The following HMGCLL1 variants were observed in gnomAD, a reference collection of about 807,000 sequenced individuals.
The protein encoded by HMGCLL1 is 3-hydroxymethyl-3-methylglutaryl-CoA lyase, cytoplasmic.
In HMGCLL1, 36 loss-of-function variants were observed where a neutral mutation model predicts 39.1. The observed-to-expected ratio is 0.92, with a 90% CI of 0.71 to 1.22. HMGCLL1 has a LOEUF of 1.22. Ranked by LOEUF, HMGCLL1 falls within the 50% of genes most tolerant of loss-of-function variation. HMGCLL1 has a pLI of 0.00. For synonymous variants in HMGCLL1, 149 were observed against 144.0 expected (o/e 1.03, Z -0.25); for missense variants, 451 against 416.5 (o/e 1.08, Z -0.72).
intron 7 of HMGCLL1, among the ~76,000 whole-genome samples, chr6:55,480,903 T>A (rs1765709639): frequency 6.6e-6 from 1 of 152,172 alleles, no homozygotes; most frequent in South Asian, 2.1e-4. Context: ...CTTCACTTAG[T>A]CTCACTTACT....
the HMGCLL1 span, among the ~76,000 whole-genome samples, chr6:55,638,986 A>G: frequency 1.3e-5 from 2 of 152,148 alleles, no homozygotes; most frequent in African/African-American, 4.8e-5. Context: ...GAAAATGACA[A>G]TATTTACACA....
the HMGCLL1 span, among the ~76,000 whole-genome samples, chr6:55,601,420 G>A: frequency 1.3e-5 from 2 of 152,078 alleles, no homozygotes; most frequent in South Asian, 2.1e-4. Flanking sequence ...TAGCAGCTAG[G>A]AAGTTTTCAA....
chr6:55,593,212 T>C, the HMGCLL1 span, among the ~76,000 whole-genome samples: 1 of 152,152 alleles, frequency 6.6e-6, no homozygotes, highest in Non-Finnish European at 1.5e-5. Context: ...GACAGAACCA[T>C]ATTCATGAGT....
chr6:55,504,174 C>G (rs1027521777), intron 5 of HMGCLL1, among the ~76,000 whole-genome samples: 1 of 151,688 alleles, frequency 6.6e-6, no homozygotes, highest in African/African-American at 2.4e-5. Flanking sequence ...AAGCTTCTTT[C>G]TATTACCCAA....
intron 7 of HMGCLL1, among the ~76,000 whole-genome samples, chr6:55,453,370 G>A (rs1401764510): frequency 6.6e-6 from 1 of 152,070 alleles, no homozygotes; most frequent in African/African-American, 2.4e-5. Context: ...TAGTAGAGAC[G>A]GGGTTTCACC....
intron 1 of HMGCLL1, 74 bp downstream of exon 1, chr6:55,578,874 A>C: frequency 2.8e-6 from 3 of 1,076,196 alleles, no homozygotes; most frequent in Non-Finnish European, 2.8e-6. Flanking sequence ...GAGGGCACCA[A>C]GAGGTTGCAG....
chr6:55,582,666 CA>C (rs1772004803), upstream of HMGCLL1, among the ~76,000 whole-genome samples: 1 of 152,006 alleles, frequency 6.6e-6, no homozygotes, highest in South Asian at 2.1e-4. Flanking sequence ...TTTCTTATTA[CA>C]GCAATTTTGA....
At chr6:55,537,723 A>G (rs1015577281) in intron 3 of HMGCLL1, among the ~76,000 whole-genome samples, 3 of 152,156 alleles carry the variant, frequency 2.0e-5, no homozygotes. Context: ...AGGTTAAGTC[A>G]CTTACTCAAG....
intron 5 of HMGCLL1, among the ~76,000 whole-genome samples, chr6:55,505,340 C>T (rs184956655): frequency 5.9e-4 from 90 of 151,668 alleles, no homozygotes; most frequent in African/African-American, 2.0e-3. Context: ...CAGAAGAGAA[C>T]AATGCCAGGA....
At chr6:55,474,095 G>A (rs1209557036) in intron 7 of HMGCLL1, among the ~76,000 whole-genome samples, 1 of 151,456 alleles carries the variant, frequency 6.6e-6, no homozygotes, top group Non-Finnish European at 1.5e-5. Flanking sequence ...TTGATTTTCA[G>A]TATTTATCCT....
intron 3 of HMGCLL1, among the ~76,000 whole-genome samples, chr6:55,539,385 C>A (rs1430226243): frequency 6.6e-6 from 1 of 152,140 alleles, no homozygotes; most frequent in African/African-American, 2.4e-5. Context: ...AAGACACATG[C>A]ATGTGAATGT....
At chr6:55,458,386 A>G (rs1317938900) in intron 7 of HMGCLL1, among the ~76,000 whole-genome samples, 1 of 152,194 alleles carries the variant, frequency 6.6e-6, no homozygotes, top group Non-Finnish European at 1.5e-5. Flanking sequence ...AGCAAGTGAC[A>G]GGATAGAGAT....
At chr6:55,630,642 C>A in the HMGCLL1 span, among the ~76,000 whole-genome samples, 1 of 152,124 alleles carries the variant, frequency 6.6e-6, no homozygotes, top group South Asian at 2.1e-4. Flanking sequence ...TGGGAGGGAC[C>A]TGGTGGAGGT....
Position 55,516,502 on chromosome 6 carries a change from A to C in HMGCLL1, c.393+6T>G, listed in dbSNP as rs776589529. 2 of 1,573,870 alleles carry C rather than the reference A, an allele frequency of 1.3e-6. No individual in the cohort carries two copies. The highest frequency in any genetic ancestry group is 4.5e-5 in the East Asian group (2 of 44,506). ...TCAATTTTAGAGATATTAGTAGCACACTTACAGCATGGTGAAAACCCTGAA... is the reference window on the plus strand; with the variant it reads ...TCAATTTTAGAGATATTAGTAGCACCCTTACAGCATGGTGAAAACCCTGAA... On this transcript the variant is annotated splice_donor_region_variant and intron_variant, in intron 4 of 8. Transcript: ENST00000274901.
At chr6:55,511,568 G>A (rs760576773) in intron 5 of HMGCLL1, among the ~76,000 whole-genome samples, 1 of 151,958 alleles carries the variant, frequency 6.6e-6, no homozygotes, top group African/African-American at 2.4e-5. Flanking sequence ...GACAACTGAC[G>A]ACATAAATTT....
intron 7 of HMGCLL1, among the ~76,000 whole-genome samples, chr6:55,477,126 A>G (rs1382242847): frequency 1.2e-5 from 1 of 81,050 alleles, no homozygotes; most frequent in Non-Finnish European, 2.3e-5. Context: ...TATATATCAT[A>G]TATATATAAT....
Position 55,541,818 on chromosome 6 carries a change from T to A in HMGCLL1, c.208A>T (p.Ile70Leu). Residue 70 changes from isoleucine (I) to leucine (L), a missense_variant, in exon 3 of 9, where the codon ATA becomes TTA. Transcript: ENST00000274901. ...AGTCGATTGATAAATTCAATTTTTA[T>A]ATCTGTAGGAACTATAACCTATGAA... ...QNEKVIVPTDIKIEFINRLSQ... is the reference protein window; with the variant it reads ...QNEKVIVPTDLKIEFINRLSQ... 1 of 1,596,636 alleles carries A rather than the reference T, an allele frequency of 6.3e-7. No homozygotes were observed. Among genetic ancestry groups the A allele is most frequent in the Non-Finnish European group, 8.6e-7 (1 of 1,166,176 alleles).
intron 5 of HMGCLL1, chr6:55,513,260 AAAATTAGGTTTGTGG>A (rs1296278869): frequency 7.9e-5 from 12 of 152,118 alleles, no homozygotes; most frequent in African/African-American, 2.9e-4. Context: ...CCTGAGAGAG[AAAATTAGGTTTGTGG>A]ATCTTGGGTC....
chr6:55,504,680 TA>T (rs1369781289), intron 5 of HMGCLL1, among the ~76,000 whole-genome samples: 3 of 80,564 alleles, frequency 3.7e-5, no homozygotes, highest in African/African-American at 1.3e-4. Context: ...AAATTATTTT[TA>T]AAAATATTTT....
Sources: gnomAD v4.1 joint callset for allele counts (sites outside exome capture counted in the v4.1 genomes callset) on GRCh38, gnomAD v4.1.1 for gene constraint, MANE v1.5 for transcripts, NCBI Gene and HGNC (gene_info 2026-07-23, HGNC 2026-07-21) for gene names.